Variants in GRM5 observed in about 807,000 individuals in gnomAD.
GRM5 encodes the protein metabotropic glutamate receptor 5.
In GRM5, 19 loss-of-function variants were observed where a neutral mutation model predicts 83.1. The ratio of observed to expected loss-of-function variants is 0.23; its 90% confidence interval spans 0.16 to 0.34. The LOEUF is 0.34. GRM5 is among the 10% of genes least tolerant of loss of function. The pLI is 1.00. For missense variants in GRM5, 1,160 were observed against 1,588.3 expected (o/e 0.73, Z 4.58); for synonymous variants, 675 against 633.6 (o/e 1.07, Z -0.98).
At chr11:88,856,204 C>G (rs1213602212) in intron 2 of GRM5, among the ~76,000 whole-genome samples, 2 of 152,028 alleles carry the variant, frequency 1.3e-5, no homozygotes, top group East Asian at 3.8e-4. Flanking sequence ...CTACTGTAAA[C>G]ACAGTTCATT....
At position 88,960,216 on chromosome 11, in the gene GRM5, T is replaced by A. The variant is rs151188082; in HGVS notation, c.661+86996A>T. ...AGTAGTAGGGAACTGATTATGTAGG[T>A]CTATTTATATTTAGAATGAATGAAT... On this transcript the variant is annotated intron_variant, in intron 2 of 9. Transcript: ENST00000305447. 1.8e-3 allele frequency among the ~76,000 whole-genome samples: 271 copies of A among 152,240 alleles called. 4 individuals are homozygous for A. In the East Asian group the frequency reaches 0.043, roughly 24 times the overall value.
At chr11:88,995,990 G>T (rs1381536384) in intron 2 of GRM5, among the ~76,000 whole-genome samples, 1 of 144,266 alleles carries the variant, frequency 6.9e-6, no homozygotes, top group Admixed American at 6.9e-5. Flanking sequence ...ACCAAAGAAA[G>T]AAAAAAGAAA....
chr11:88,634,694 T>C (rs1939071650), intron 4 of GRM5, among the ~76,000 whole-genome samples: 1 of 152,188 alleles, frequency 6.6e-6, no homozygotes, highest in African/African-American at 2.4e-5. Context: ...ACTTTTTATT[T>C]CTTATAAGTA....
At chr11:88,703,482 G>A (rs1438554937) in intron 3 of GRM5, among the ~76,000 whole-genome samples, 1 of 152,028 alleles carries the variant, frequency 6.6e-6, no homozygotes, top group African/African-American at 2.4e-5. Context: ...AGTTCAATTA[G>A]GGGTTTTTAG....
intron 3 of GRM5, among the ~76,000 whole-genome samples, chr11:88,694,816 A>G (rs2135364564): frequency 6.6e-6 from 1 of 152,274 alleles, no homozygotes; most frequent in East Asian, 1.9e-4. Flanking sequence ...TATTGATTAC[A>G]TGGTACTCTC....
chr11:88,956,227 A>T (rs1212035024), intron 2 of GRM5, among the ~76,000 whole-genome samples: 1 of 152,228 alleles, frequency 6.6e-6, no homozygotes, highest in African/African-American at 2.4e-5. Flanking sequence ...TGCACGTAAA[A>T]GCTAAAGTGT....
intron 3 of GRM5, among the ~76,000 whole-genome samples, chr11:88,669,242 A>G (rs1940130730): frequency 6.6e-6 from 1 of 152,182 alleles, no homozygotes. Flanking sequence ...CATTAACAAC[A>G]TAATGCCGTC....
intron 3 of GRM5, among the ~76,000 whole-genome samples, chr11:88,701,532 A>C (rs1274129061): frequency 6.6e-6 from 1 of 152,140 alleles, no homozygotes; most frequent in African/African-American, 2.4e-5. Flanking sequence ...TTGTTCCACC[A>C]AACTTGCTTT....
chr11:89,024,402 C>T (rs1176072555), intron 2 of GRM5, among the ~76,000 whole-genome samples: 1 of 152,202 alleles, frequency 6.6e-6, no homozygotes, highest in African/African-American at 2.4e-5. Flanking sequence ...CCTTTAATTT[C>T]AGACTCTTAT....
At chr11:88,863,755 T>C (rs1944610891) in intron 2 of GRM5, among the ~76,000 whole-genome samples, 1 of 152,136 alleles carries the variant, frequency 6.6e-6, no homozygotes, top group Non-Finnish European at 1.5e-5. Context: ...TAGAATTTAA[T>C]TTTTAATAAT....
intron 3 of GRM5, among the ~76,000 whole-genome samples, chr11:88,733,583 T>C (rs1264146439): frequency 6.6e-6 from 1 of 151,968 alleles, no homozygotes; most frequent in Non-Finnish European, 1.5e-5. Context: ...TTTTCAGAAA[T>C]TGCAAGCTAT....
intron 9 of GRM5, chr11:88,512,335 A>G (rs1941397356): frequency 6.5e-6 from 1 of 154,434 alleles, no homozygotes; most frequent in South Asian, 2.0e-4. Context: ...CACCCAGAGA[A>G]ATGGAGTCCA....
chr11:88,754,436 A>G (rs1942353563), intron 3 of GRM5, among the ~76,000 whole-genome samples: 1 of 152,154 alleles, frequency 6.6e-6, no homozygotes, highest in South Asian at 2.1e-4. Context: ...CTTAAAATAA[A>G]AGTTGAAGAA....
chr11:89,059,542 T>A lies in GRM5; in HGVS notation c.-201+6234A>T, dbSNP rs557198903. On this transcript the variant is annotated intron_variant, in intron 1 of 9. Coordinates refer to ENST00000305447, the MANE Select transcript of GRM5 (RefSeq NM_001143831.3). ...GATGATCCTAGATTTAAATACCGGC[T>A]TTGTCACCTTTGTTTGTACTGTGGG... is the stretch of plus-strand genomic sequence containing the variant. Among the ~76,000 whole-genome samples, 5 of 151,140 alleles carry A rather than the reference T, an allele frequency of 3.3e-5. No homozygotes were observed. In the East Asian group the frequency reaches 9.7e-4, roughly 29 times the overall value.
chr11:88,957,289 G>A (rs1387218310), intron 2 of GRM5, among the ~76,000 whole-genome samples: 2 of 152,206 alleles, frequency 1.3e-5, no homozygotes, highest in Non-Finnish European at 2.9e-5. Flanking sequence ...AAAGCAGAAG[G>A]CGGATGGAGA....
chr11:88,869,812 A>G (rs901831887), intron 2 of GRM5, among the ~76,000 whole-genome samples: 3 of 151,618 alleles, frequency 2.0e-5, no homozygotes, highest in Non-Finnish European at 3.0e-5. Context: ...CAATGCCTCT[A>G]TAAAAAAGAG....
intron 3 of GRM5, among the ~76,000 whole-genome samples, chr11:88,767,014 A>G (rs1335605142): frequency 6.6e-6 from 1 of 152,018 alleles, no homozygotes; most frequent in African/African-American, 2.4e-5. Context: ...ATCTCACCCC[A>G]GTCAGAATGG....
At chr11:88,618,938 C>T (rs372304994) in intron 4 of GRM5, among the ~76,000 whole-genome samples, 248 of 152,298 alleles carry the variant, frequency 1.6e-3, no homozygotes, top group African/African-American at 5.7e-3. Context: ...CTGGATCTGC[C>T]TCACAGCAGC....
At chr11:88,883,516 C>T (rs1264279896) in intron 2 of GRM5, among the ~76,000 whole-genome samples, 1 of 152,044 alleles carries the variant, frequency 6.6e-6, no homozygotes, top group Non-Finnish European at 1.5e-5. Context: ...GGTGACAGGG[C>T]ATAAAAGTTT....
Sources: allele counts gnomAD v4.1 joint callset (sites outside exome capture counted in the v4.1 genomes callset), GRCh38; gene constraint gnomAD v4.1.1; transcripts MANE v1.5; gene names NCBI Gene and HGNC (gene_info 2026-07-23, HGNC 2026-07-21).